C1QTNF6: variants seen among roughly 807,000 people sequenced by gnomAD.
The protein encoded by C1QTNF6 is complement C1q tumor necrosis factor-related protein 6.
A neutral mutation model predicts 20.7 loss-of-function variants in C1QTNF6; 17 were observed. That is an observed-to-expected ratio of 0.82 (90% CI 0.56 to 1.23). The LOEUF (loss-of-function observed/expected upper bound fraction) is 1.23. Among genes scored for constraint, C1QTNF6 ranks in the 50% most tolerant of loss-of-function variants. The probability of loss-of-function intolerance (pLI) is 0.00; values close to 1 mark genes in which losing one functional copy is unlikely to be tolerated. For synonymous variants in C1QTNF6, 130 were observed against 156.3 expected (o/e 0.83, Z 1.25); for missense variants, 329 against 389.7 (o/e 0.84, Z 1.31).
chr22:37,198,817 A>C (rs1601644673), upstream of C1QTNF6, among the ~76,000 whole-genome samples: 4 of 129,524 alleles, frequency 3.1e-5, no homozygotes, highest in South Asian at 2.8e-4. Flanking sequence ...CCCCCCACAC[A>C]CAAACCGGCT....
chr22:37,185,140 C>T (rs190679771), intron 2 of C1QTNF6, 78 bp downstream of exon 2: 15,429 of 1,478,332 alleles, frequency 0.01, 100 homozygotes, highest in Non-Finnish European at 0.012. Flanking sequence ...GACAGGTTTC[C>T]GCCCTGCCCT....
chr22:37,187,863 C>T (rs1924508691), intron 1 of C1QTNF6, among the ~76,000 whole-genome samples: 2 of 152,088 alleles, frequency 1.3e-5, no homozygotes, highest in African/African-American at 4.8e-5. Context: ...TTTTGGGGTC[C>T]TTGCTGCTTC....
At chr22:37,188,270 C>T, upstream of C1QTNF6, 1 of 1,460,550 alleles carries the variant, frequency 6.8e-7, no homozygotes, top group Non-Finnish European at 9.3e-7. Flanking sequence ...GCCCAGACCC[C>T]CAGGCCCAGC....
Position 37,182,421 on chromosome 22 carries a change from A to C in C1QTNF6, c.604T>G (p.Tyr202Asp). ...FFSLNVHSWN[Y>D]KETYVHIMHN... The stretch of plus-strand genomic sequence containing the variant: ...ATAATGTGCACGTACGTCTCCTTGT[A>C]ATTCCAGCTGTGCACATTGAGGCTG... The change falls in exon 3 of 3, where the codon TAC (tyrosine) becomes GAC (aspartate). Residue 202 changes from tyrosine (Y) to aspartate (D), a missense_variant. Coordinates refer to ENST00000337843, the MANE Select transcript of C1QTNF6 (RefSeq NM_031910.4). 3 of 1,614,220 alleles carry C rather than the reference A, an allele frequency of 1.9e-6. No individual in the cohort carries two copies. The highest frequency in any genetic ancestry group is 2.5e-6 in the Non-Finnish European group (3 of 1,180,032).
rs1251123348 is a variant in C1QTNF6 at position 37,181,093 on chromosome 22, T to G, written c.*1095A>C. The G allele has an allele frequency of 6.5e-6, 1 of 152,728 alleles. No homozygotes were observed. The allele number at this position is 152,728 out of a possible 1,614,324, so 9.5% of individuals were successfully genotyped here. The stretch of plus-strand genomic sequence containing the variant: ...ACCAGCCTTGGGGAGCAGTGGGTAA[T>G]GGAGGACCAGCAGCACCTGAACACC... On this transcript the variant is annotated 3_prime_UTR_variant, in exon 3 of 3. Coordinates refer to ENST00000337843, the MANE Select transcript of C1QTNF6 (RefSeq NM_031910.4).
At chr22:37,187,686 G>A (rs547307078) in intron 1 of C1QTNF6, among the ~76,000 whole-genome samples, 2 of 122,752 alleles carry the variant, frequency 1.6e-5, no homozygotes, top group South Asian at 5.5e-4. Flanking sequence ...TTTCCTATTG[G>A]CCCCAGCGGA....
chr22:37,184,098 T>G lies in C1QTNF6; in HGVS notation c.289+1120A>C, dbSNP rs10854698. 6.6e-6 allele frequency among the ~76,000 whole-genome samples: 1 copy of G among 151,762 alleles called. No homozygotes were observed. The highest frequency in any genetic ancestry group is 1.5e-5 in the Non-Finnish European group (1 of 67,918). ...GCAGCCAGGCACCTCTCCAACCTCA[T>G]GCAGAGAGCTAAGTCAGCCCTGGGG... On this transcript the variant is annotated intron_variant, in intron 2 of 2. Transcript: ENST00000337843. This position sits in a 1 kb window ranked among gnomAD's most constrained non-coding sequence, Gnocchi z 4.0.
chr22:37,187,802 G>T (rs1924503429), intron 1 of C1QTNF6, among the ~76,000 whole-genome samples: 1 of 152,134 alleles, frequency 6.6e-6, no homozygotes, highest in Non-Finnish European at 1.5e-5. Context: ...CTAGCTCTGG[G>T]GGTGGGTGCC....
rs1009523877 is a variant in C1QTNF6 at position 37,184,381 on chromosome 22, G to A, written c.289+837C>T. On this transcript the variant is annotated intron_variant, in intron 2 of 2. Coordinates refer to ENST00000337843, the MANE Select transcript of C1QTNF6 (RefSeq NM_031910.4). The surrounding 1 kb of genome is among the most constrained non-coding windows in gnomAD (Gnocchi z 4.0). ...AGAGACGGACGCTAAGGATGTCAAG[G>A]CCTGGTCACAGCCGTCAGCCACCAC... is the stretch of plus-strand genomic sequence containing the variant. The A allele has an allele frequency of 1.4e-6, 1 of 717,310 alleles. No individual in the cohort carries two copies. Among genetic ancestry groups the A allele is most frequent in the Admixed American group, 2.0e-5 (1 of 50,016 alleles). 44.4% of individuals were successfully genotyped at this position (717,310 alleles called of 1,614,324 possible). A position where few individuals can be genotyped will look rare whatever the true frequency, so the allele number is the denominator to read the frequency against.
Position 37,181,950 on chromosome 22 carries a change from G to A in C1QTNF6, c.*238C>T. On this transcript the variant is annotated 3_prime_UTR_variant, in exon 3 of 3. Coordinates refer to ENST00000337843, the MANE Select transcript of C1QTNF6 (RefSeq NM_031910.4). Reference sequence around the variant, plus strand: ...TTGAGAAGTGCTGGGCTACGAGGCTGGGAAAGTTCTAGAATATTTAGGTTA... The same window carrying A: ...TTGAGAAGTGCTGGGCTACGAGGCTAGGAAAGTTCTAGAATATTTAGGTTA... 1 of 538,236 alleles carries A rather than the reference G, an allele frequency of 1.9e-6. No individual in the cohort carries two copies. The highest frequency in any genetic ancestry group is 3.3e-6 in the Non-Finnish European group (1 of 306,736). 33.3% of individuals were successfully genotyped at this position (538,236 alleles called of 1,614,324 possible). A position where few individuals can be genotyped will look rare whatever the true frequency, so the allele number is the denominator to read the frequency against.
chr22:37,187,811 C>T (rs1229911122), intron 1 of C1QTNF6, among the ~76,000 whole-genome samples: 1 of 152,050 alleles, frequency 6.6e-6, no homozygotes, highest in African/African-American at 2.4e-5. Context: ...GGGGTGGGTG[C>T]CAGGCAGGGA....
upstream of C1QTNF6, chr22:37,191,057 A>G (rs1368173855): frequency 6.6e-6 from 1 of 152,184 alleles, no homozygotes; most frequent in East Asian, 1.9e-4. Flanking sequence ...TTAGTTTTCC[A>G]AGAGTCTTGG....
intron 1 of C1QTNF6, among the ~76,000 whole-genome samples, chr22:37,187,171 C>T (rs999497617): frequency 6.6e-6 from 1 of 152,176 alleles, no homozygotes; most frequent in Non-Finnish European, 1.5e-5. Context: ...AGCCACCTCC[C>T]TCTTCCTGGA....
intron 1 of C1QTNF6, chr22:37,186,055 A>C (rs560276086): frequency 1.0e-6 from 1 of 985,448 alleles, no homozygotes; most frequent in Non-Finnish European, 1.2e-6. Flanking sequence ...TTCTGAAAAA[A>C]AAGAGATAAG....
At chr22:37,183,563 C>T (rs1923991343) in intron 2 of C1QTNF6, among the ~76,000 whole-genome samples, 1 of 152,224 alleles carries the variant, frequency 6.6e-6, no homozygotes, top group South Asian at 2.1e-4. Flanking sequence ...TCACATAGCT[C>T]CCTGCCACCT....
chr22:37,182,703 G>GC lies in C1QTNF6; in HGVS notation c.321dup (p.Pro108AlafsTer21), dbSNP rs1464146658. 1.9e-6 allele frequency: 3 copies of GC among 1,611,982 alleles called. No homozygotes were observed. The highest frequency in any genetic ancestry group is 2.5e-6 in the Non-Finnish European group (3 of 1,179,656). ...GGACCCTCCCTGCCCATGTACCCTG[G>GC]CAGGCCCATTGGGCCTGGGTCCCCT... On this transcript the variant is annotated frameshift_variant, in exon 3 of 3. Coordinates refer to ENST00000337843, the MANE Select transcript of C1QTNF6 (RefSeq NM_031910.4). LOFTEE classifies it high-confidence loss of function.
chr22:37,194,354 C>A (rs1245660424), intron 2 of C1QTNF6, among the ~76,000 whole-genome samples: 2 of 152,180 alleles, frequency 1.3e-5, no homozygotes, highest in Non-Finnish European at 2.9e-5. Flanking sequence ...TTAAGACTAG[C>A]CCCCATGAAT....
At chr22:37,196,066 T>C (rs229542) in intron 1 of C1QTNF6, 75,580 of 152,064 alleles carry the variant, frequency 0.5, 19,521 homozygotes, top group East Asian at 0.69. Flanking sequence ...TTTACCCAGC[T>C]CCTACTCAAG....
upstream of C1QTNF6, among the ~76,000 whole-genome samples, chr22:37,198,690 G>C (rs961142203): frequency 6.6e-6 from 1 of 151,358 alleles, no homozygotes; most frequent in Admixed American, 6.5e-5. Context: ...CCGCTCCCCG[G>C]TCCCCGGCCC....
Sources: gnomAD v4.1 joint callset for allele counts (sites outside exome capture counted in the v4.1 genomes callset) on GRCh38, gnomAD v4.1.1 for gene constraint, Gnocchi (gnomAD v3.1) non-coding constraint, MANE v1.5 for transcripts, NCBI Gene and HGNC (gene_info 2026-07-23, HGNC 2026-07-21) for gene names.